Variants in PTPRK observed in about 807,000 individuals in gnomAD.
PTPRK encodes receptor-type tyrosine-protein phosphatase kappa.
In PTPRK, 75 loss-of-function variants were observed where a neutral mutation model predicts 178.0. The observed-to-expected ratio is 0.42, with a 90% CI of 0.35 to 0.51. The LOEUF is 0.51. Ranked by LOEUF, PTPRK falls within the 20% of genes least tolerant of loss-of-function variation. PTPRK has a pLI of 0.02. For synonymous variants in PTPRK, 637 were observed against 620.6 expected (o/e 1.03, Z -0.39); for missense variants, 1,441 against 1,797.8 (o/e 0.80, Z 3.59).
At chr6:128,294,200 A>T (rs1823876363) in intron 3 of PTPRK, among the ~76,000 whole-genome samples, 1 of 152,092 alleles carries the variant, frequency 6.6e-6, no homozygotes, top group South Asian at 2.1e-4. Flanking sequence ...AATATTCTTA[A>T]AAAGAAGAAA....
Position 128,089,763 on chromosome 6 carries a change from G to A in PTPRK, c.1392C>T (p.Ser464=). The change falls in exon 8 of 30, where the codon AGC becomes AGT. Residue 464 remains serine (S), a synonymous_variant. Transcript: ENST00000368226. ...VNHLPPYTNV[S]LKMILTNPEG... The stretch of plus-strand genomic sequence containing the variant: ...CTGGATTGGTTAGGATCATCTTGAG[G>A]CTGACATTTGTATAAGGTGGCAGAT... 1 of 1,613,282 alleles carries A rather than the reference G, an allele frequency of 6.2e-7. No individual in the cohort carries two copies. Among genetic ancestry groups the A allele is most frequent in the African/African-American group, 1.3e-5 (1 of 75,002 alleles).
chr6:128,231,312 C>T (rs554198043), intron 5 of PTPRK, among the ~76,000 whole-genome samples: 4 of 152,274 alleles, frequency 2.6e-5, no homozygotes, highest in Non-Finnish European at 4.4e-5. Context: ...AAAGAGAACA[C>T]GGTCTCTTAA....
At chr6:128,202,642 G>A (rs997060527) in intron 6 of PTPRK, among the ~76,000 whole-genome samples, 1 of 152,112 alleles carries the variant, frequency 6.6e-6, no homozygotes, top group Non-Finnish European at 1.5e-5. Context: ...ACCTAAGAAG[G>A]ACGGAGTTCC....
intron 13 of PTPRK, 127 bp downstream of exon 13, chr6:128,064,631 C>T (rs1781436514): frequency 8.2e-7 from 1 of 1,216,016 alleles, no homozygotes; most frequent in South Asian, 2.1e-5. Context: ...TTAAAGACAC[C>T]CACATGAGTC....
intron 3 of PTPRK, among the ~76,000 whole-genome samples, chr6:128,299,452 T>G (rs1458423154): frequency 1.3e-5 from 2 of 151,960 alleles, no homozygotes; most frequent in Non-Finnish European, 2.9e-5. Context: ...GGAGGCATCA[T>G]GCTACCTGAC....
intron 2 of PTPRK, among the ~76,000 whole-genome samples, chr6:128,332,225 T>C (rs944748270): frequency 2.6e-5 from 4 of 152,194 alleles, no homozygotes; most frequent in Non-Finnish European, 4.4e-5. Context: ...CAGTTTCATC[T>C]TTATGACATA....
At chr6:128,227,130 C>T (rs1021912963) in intron 5 of PTPRK, among the ~76,000 whole-genome samples, 1 of 151,952 alleles carries the variant, frequency 6.6e-6, no homozygotes, top group African/African-American at 2.4e-5. Flanking sequence ...GTATTTGCTA[C>T]CTTAGAACAT....
intron 1 of PTPRK, 34 bp downstream of exon 1, chr6:128,520,225 A>T: frequency 6.5e-7 from 1 of 1,544,512 alleles, no homozygotes; most frequent in Non-Finnish European, 8.8e-7. Context: ...CCAGGACTCC[A>T]GGCGTTCGTC....
chr6:128,058,102 C>T (rs1780207716), intron 13 of PTPRK, among the ~76,000 whole-genome samples: 1 of 152,096 alleles, frequency 6.6e-6, no homozygotes. Flanking sequence ...CAGTTTGTTG[C>T]TTTTATAAAC....
intron 3 of PTPRK, among the ~76,000 whole-genome samples, chr6:128,291,549 T>C (rs1457237315): frequency 6.6e-6 from 1 of 152,156 alleles, no homozygotes; most frequent in Admixed American, 6.6e-5. Flanking sequence ...AAAATCCCTG[T>C]ACTTTCATTG....
chr6:128,225,513 A>AT (rs1811136802), intron 5 of PTPRK, among the ~76,000 whole-genome samples: 1 of 152,124 alleles, frequency 6.6e-6, no homozygotes, highest in Admixed American at 6.6e-5. Context: ...ATTTGTATGA[A>AT]TTTTTTTCAG....
intron 7 of PTPRK, among the ~76,000 whole-genome samples, chr6:128,182,837 G>A (rs2114691218): frequency 6.6e-6 from 1 of 152,030 alleles, no homozygotes; most frequent in South Asian, 2.1e-4. Flanking sequence ...TAATTCCTAA[G>A]TTAAACAAAA....
At chr6:128,321,536 T>G (rs950585404) in intron 3 of PTPRK, 1 of 390,932 alleles carries the variant, frequency 2.6e-6, no homozygotes, top group Non-Finnish European at 4.5e-6. Context: ...AATTAATTAA[T>G]CAAAATTAAA....
chr6:128,062,847 A>AC (rs1781097112), intron 13 of PTPRK: 1 of 142,224 alleles, frequency 7.0e-6, no homozygotes, highest in Non-Finnish European at 1.5e-5. Flanking sequence ...CCTGGCTAAC[A>AC]TTTTTTTTTT....
intron 7 of PTPRK, among the ~76,000 whole-genome samples, chr6:128,102,288 G>A (rs994888316): frequency 1.8e-4 from 28 of 152,214 alleles, no homozygotes; most frequent in African/African-American, 6.8e-4. Context: ...AGGTGAATAA[G>A]ACATGACTCC....
In PTPRK at chr6:128,389,394, T is replaced by G. The variant is rs192099927; in HGVS notation, c.223+8172A>C. ...TACCTACCTTTTCTTGTTTGCTCGG[T>G]TTTTTTTTGTTTTTTTTTGTTTTTT... On this transcript the variant is annotated intron_variant, in intron 2 of 29. Coordinates refer to ENST00000368226, the MANE Select transcript of PTPRK (RefSeq NM_002844.4). 3.4e-3 allele frequency among the ~76,000 whole-genome samples: 136 copies of G among 40,424 alleles called. No individual in the cohort carries two copies. The South Asian group carries it at 0.12, about 36-fold the overall frequency. The allele number at this position is 40,424 out of a possible 152,430, so 26.5% of individuals were successfully genotyped here. A position where few individuals can be genotyped will look rare whatever the true frequency, so the allele number is the denominator to read the frequency against.
intron 7 of PTPRK, among the ~76,000 whole-genome samples, chr6:128,124,399 A>T (rs1251851142): frequency 6.6e-6 from 1 of 152,138 alleles, no homozygotes; most frequent in Admixed American, 6.6e-5. Flanking sequence ...TCATATAAAC[A>T]TATCTGTTTA....
chr6:128,360,782 T>C (rs1274614772), intron 2 of PTPRK, among the ~76,000 whole-genome samples: 2 of 152,096 alleles, frequency 1.3e-5, no homozygotes, highest in Non-Finnish European at 2.9e-5. Context: ...GTGGCAATGT[T>C]ATTCTACACC....
intron 6 of PTPRK, among the ~76,000 whole-genome samples, chr6:128,216,621 T>C (rs1482468516): frequency 2.0e-5 from 3 of 152,070 alleles, no homozygotes; most frequent in Non-Finnish European, 4.4e-5. Flanking sequence ...AAATAATTAT[T>C]AATTTAACAA....
Sources: allele counts gnomAD v4.1 joint callset (sites outside exome capture counted in the v4.1 genomes callset), GRCh38; gene constraint gnomAD v4.1.1; transcripts MANE v1.5; gene names NCBI Gene and HGNC (gene_info 2026-07-23, HGNC 2026-07-21).